The following FOXA2 variants were observed in gnomAD, a reference collection of about 807,000 sequenced individuals.
FOXA2 encodes the protein hepatocyte nuclear factor 3-beta.
A neutral mutation model predicts 33.3 loss-of-function variants in FOXA2; 9 were observed. That is an observed-to-expected ratio of 0.27 (90% CI 0.16 to 0.47). FOXA2 has a LOEUF of 0.47. Ranked by LOEUF, FOXA2 falls within the 20% of genes least tolerant of loss-of-function variation. The pLI, the probability that FOXA2 is intolerant of heterozygous loss-of-function variation, is 0.99. For missense variants in FOXA2, 704 were observed against 659.9 expected, an observed-to-expected ratio of 1.07 and a Z score of -0.73; for synonymous variants, 329 against 289.4, an observed-to-expected ratio of 1.14 and a Z score of -1.39.
upstream of FOXA2, among the ~76,000 whole-genome samples, chr20:22,584,672 T>TGGAGGAGGAGGAGGAGGA (rs1176408400): frequency 4.4e-4 from 15 of 34,396 alleles, no homozygotes; most frequent in East Asian, 4.1e-3. Flanking sequence ...GTGGTGGTGG[T>TGGAGGAGGAGGAGGAGGA]GGAGGAGGAG....
chr20:22,581,941 G>C lies in FOXA2; in HGVS notation c.1301C>G (p.Thr434Arg), dbSNP rs1459657782. The change falls in exon 2 of 2, where the codon ACG (threonine) becomes AGG (arginine). Residue 434 changes from threonine to arginine, a missense_variant. Physicochemically the swap from Thr to Arg is moderately conservative, Grantham distance 71 (BLOSUM62 -1). This residue lies in a region of FOXA2 where 343 missense variants were observed against 274.8 expected (regional missense o/e 1.25). Coordinates refer to ENST00000419308, the MANE Select transcript of FOXA2 (RefSeq NM_021784.5). Reference protein sequence around the residue: ...MPGSLAMGPVTNKTGLDASPL... With the variant: ...MPGSLAMGPVRNKTGLDASPL... ...CGAGGCGTCCAGGCCCGTTTTGTTC[G>C]TGACCGGGCCCATGGCCAAGCTGCC... 1.2e-6 allele frequency: 2 copies of C among 1,611,544 alleles called. No homozygotes were observed. The highest frequency in any genetic ancestry group is 1.7e-5 in the Admixed American group (1 of 59,966).
At chr20:22,584,137 G>A in intron 1 of FOXA2, 55 bp downstream of exon 1, 1 of 1,551,632 alleles carries the variant, frequency 6.4e-7, no homozygotes, top group Non-Finnish European at 8.9e-7. Flanking sequence ...TCCTGAGGTT[G>A]GGGAAGGAGC....
At position 22,584,492 on chromosome 20, in the gene FOXA2, G is replaced by T; in HGVS notation, c.-214C>A. ...TGGGGGGGGGCGAGGAGCGGAGGAG[G>T]CCCAGGCCAGCGCCCCGCGGTAGGG... On this transcript the variant is annotated 5_prime_UTR_variant, in exon 1 of 2. Transcript: ENST00000419308. 1.7e-6 allele frequency: 1 copy of T among 575,796 alleles called. No homozygotes were observed. Among genetic ancestry groups the T allele is most frequent in the Non-Finnish European group, 3.1e-6 (1 of 320,564 alleles). 35.7% of individuals were successfully genotyped at this position (575,796 alleles called of 1,614,324 possible).
upstream of FOXA2, among the ~76,000 whole-genome samples, chr20:22,585,021 G>C (rs1483725086): frequency 6.6e-6 from 1 of 152,096 alleles, no homozygotes; most frequent in Non-Finnish European, 1.5e-5. Flanking sequence ...GTCCCCTGAG[G>C]AAGGAGGGAC....
rs559246060 is a variant in FOXA2, at chr20:22,583,273, G to A, written c.88-119C>T. The A allele has an allele frequency of 7.0e-5, 70 of 1,000,440 alleles. No individual in the cohort carries two copies. In the East Asian group the frequency reaches 1.4e-3, roughly 20 times the overall value. 62.0% of individuals were successfully genotyped at this position (1,000,440 alleles called of 1,614,324 possible). On this transcript the variant is annotated intron_variant, in intron 1 of 1. Coordinates refer to ENST00000419308, the MANE Select transcript of FOXA2 (RefSeq NM_021784.5). ...GGGGAGGCCTCCGGGGAGCCCTTTC[G>A]TCCCCGATGGCCCAGTCTCCGGACT...
rs1207043463 is a variant in FOXA2 at position 22,582,186 on chromosome 20, C to G, written c.1056G>C (p.Ala352=). The G allele has an allele frequency of 2.6e-6, 4 of 1,552,190 alleles. 1 individual carries two copies. The highest frequency in any genetic ancestry group is 2.4e-5 in the East Asian group (1 of 40,952). Residue 352 remains alanine (A), a synonymous_variant, in exon 2 of 2, where the codon GCG becomes GCC. Transcript: ENST00000419308. The part of the protein sequence containing the change: ...APSPGQQQQA[A]AHLLGPPHHP... Reference sequence around the variant, plus strand: ...GGTGGGGCGGGCCCAGCAGGTGGGCCGCGGCCTGCTGCTGCTGCCCGGGAG... The same window carrying G: ...GGTGGGGCGGGCCCAGCAGGTGGGCGGCGGCCTGCTGCTGCTGCCCGGGAG...
chr20:22,583,353 G>A (rs1321236518), intron 1 of FOXA2, among the ~76,000 whole-genome samples, 199 bp from the exon 2 acceptor site: 1 of 152,230 alleles, frequency 6.6e-6, no homozygotes, highest in Non-Finnish European at 1.5e-5. Flanking sequence ...GGAAGGTGGC[G>A]AGCGGATTGC....
Position 22,581,333 on chromosome 20 carries a change from C to CA in FOXA2, c.*516_*517insT, listed in dbSNP as rs1555808968. 1 of 151,626 alleles carries CA rather than the reference C, an allele frequency of 6.6e-6. No individual in the cohort carries two copies. Among genetic ancestry groups the CA allele is most frequent in the Non-Finnish European group, 1.5e-5 (1 of 67,954 alleles). The allele number at this position is 151,626 out of a possible 1,614,324, so 9.4% of individuals were successfully genotyped here. On this transcript the variant is annotated 3_prime_UTR_variant, in exon 2 of 2. Coordinates refer to ENST00000419308, the MANE Select transcript of FOXA2 (RefSeq NM_021784.5). ...TTTCACCGTGTCAAGATTGGGAATG[C>CA]TTTTTTTTTCTTTTTCTTGGTCATT...
At position 22,582,507 on chromosome 20, in the gene FOXA2, C is replaced by T. The variant is rs556684561; in HGVS notation, c.735G>A (p.Ser245=). 1.9e-6 allele frequency: 3 copies of T among 1,614,076 alleles called. No homozygotes were observed. Among genetic ancestry groups the T allele is most frequent in the East Asian group, 2.2e-5 (1 of 44,854 alleles). ...KGSFWTLHPD[S]GNMFENGCYL... ...AGCAGCCGTTCTCGAACATGTTGCC[C>T]GAGTCAGGGTGCAGGGTCCAGAAGG... Residue 245 remains serine (S), a synonymous_variant, in exon 2 of 2, where the codon TCG becomes TCA. Transcript: ENST00000419308.
intron 1 of FOXA2, among the ~76,000 whole-genome samples, chr20:22,583,389 GC>G (rs1486064307): frequency 6.6e-6 from 1 of 152,210 alleles, no homozygotes; most frequent in Non-Finnish European, 1.5e-5. Flanking sequence ...CCCGTTCCTA[GC>G]CCTTCTCCAC....
chr20:22,585,344 G>T (rs1050806399), upstream of FOXA2: 2 of 152,394 alleles, frequency 1.3e-5, no homozygotes, highest in African/African-American at 4.8e-5. Flanking sequence ...ACGGCCTCGG[G>T]AGAAGCGCGG....
At position 22,581,947 on chromosome 20, in the gene FOXA2, G is replaced by T; in HGVS notation, c.1295C>A (p.Pro432Gln). The T allele has an allele frequency of 6.2e-7, 1 of 1,611,892 alleles. No individual in the cohort carries two copies. The highest frequency in any genetic ancestry group is 8.5e-7 in the Non-Finnish European group (1 of 1,178,178). ...SPMPGSLAMG[P>Q]VTNKTGLDAS... ...GTCCAGGCCCGTTTTGTTCGTGACC[G>T]GGCCCATGGCCAAGCTGCCAGGCAT... Residue 432 changes from proline to glutamine, a missense_variant, in exon 2 of 2, where the codon CCG (proline) becomes CAG (glutamine). This residue lies in a region of FOXA2 where 343 missense variants were observed against 274.8 expected (regional missense o/e 1.25). Coordinates refer to ENST00000419308, the MANE Select transcript of FOXA2 (RefSeq NM_021784.5).
At chr20:22,583,357 G>A (rs1400546357) in intron 1 of FOXA2, among the ~76,000 whole-genome samples, 1 of 152,218 alleles carries the variant, frequency 6.6e-6, no homozygotes, top group Non-Finnish European at 1.5e-5. Context: ...GGTGGCGAGC[G>A]GATTGCTGCT....
chr20:22,583,578 G>C (rs1348899783), intron 1 of FOXA2, among the ~76,000 whole-genome samples: 1 of 152,202 alleles, frequency 6.6e-6, no homozygotes, highest in East Asian at 1.9e-4. Context: ...GACAACGCGC[G>C]GGGCGCCTCG....
Position 22,582,913 on chromosome 20 carries a change from G to T in FOXA2, c.329C>A (p.Pro110Gln). The change falls in exon 2 of 2, where the codon CCG becomes CAG. Residue 110 changes from proline to glutamine, a missense_variant. Physicochemically the swap from Pro to Gln is moderately conservative, Grantham distance 76. Coordinates refer to ENST00000419308, the MANE Select transcript of FOXA2 (RefSeq NM_021784.5). The stretch of plus-strand genomic sequence containing the variant: ...CGGGCTCAGGCTGGGACTCAAGTGC[G>T]GCCCCATGCCCGCCACGCCGGCCGC... The part of the protein sequence containing the change: ...AGAAGVAGMG[P>Q]HLSPSLSPLG... The T allele has an allele frequency of 6.6e-7, 1 of 1,524,496 alleles. No homozygotes were observed. Among genetic ancestry groups the T allele is most frequent in the Middle Eastern group, 1.9e-4 (1 of 5,216 alleles). The allele number at this position is 1,524,496 out of a possible 1,614,324, so 94.4% of individuals were successfully genotyped here.
At chr20:22,584,147 C>A (rs778382712) in intron 1 of FOXA2, 45 bp downstream of exon 1, 17 of 1,577,426 alleles carry the variant, frequency 1.1e-5, no homozygotes, top group Non-Finnish European at 1.5e-5. Context: ...GGGGAAGGAG[C>A]GAGCGCCGCC....
chr20:22,581,914 G>C lies in FOXA2; in HGVS notation c.1328C>G (p.Pro443Arg), dbSNP rs1468646192. The change falls in exon 2 of 2, where the codon CCC becomes CGC. Residue 443 changes from proline to arginine, a missense_variant. Coordinates refer to ENST00000419308, the MANE Select transcript of FOXA2 (RefSeq NM_021784.5). ...GTAGTAGGAGGTATCTGCGGCCAGG[G>C]GCGAGGCGTCCAGGCCCGTTTTGTT... is the stretch of plus-strand genomic sequence containing the variant. Reference protein sequence around the residue: ...VTNKTGLDASPLAADTSYYQG... With the variant: ...VTNKTGLDASRLAADTSYYQG... 2.5e-6 allele frequency: 4 copies of C among 1,606,800 alleles called. No individual in the cohort carries two copies. Among genetic ancestry groups the C allele is most frequent in the South Asian group, 2.2e-5 (2 of 90,890 alleles).
At position 22,581,949 on chromosome 20, in the gene FOXA2, G is replaced by T. The variant is rs762323493; in HGVS notation, c.1293C>A (p.Gly431=). 6.2e-6 allele frequency: 10 copies of T among 1,612,432 alleles called. No homozygotes were observed. Among genetic ancestry groups the T allele is most frequent in the Non-Finnish European group, 8.5e-6 (10 of 1,178,568 alleles). The change falls in exon 2 of 2, where the codon GGC becomes GGA. Residue 431 remains glycine (G), a synonymous_variant. Coordinates refer to ENST00000419308, the MANE Select transcript of FOXA2 (RefSeq NM_021784.5). ...CCAGGCCCGTTTTGTTCGTGACCGGGCCCATGGCCAAGCTGCCAGGCATGG... is the reference window on the plus strand; with the variant it reads ...CCAGGCCCGTTTTGTTCGTGACCGGTCCCATGGCCAAGCTGCCAGGCATGG... ...GSPMPGSLAM[G]PVTNKTGLDA...
In FOXA2 at chr20:22,581,207, T is replaced by C. The variant is rs981048250; in HGVS notation, c.*643A>G. On this transcript the variant is annotated 3_prime_UTR_variant, in exon 2 of 2. Transcript: ENST00000419308. ...GATAAAACCGGGTATAACACTTTAA[T>C]ATAGATTTGTGGAACTCTGGCCCTT... is the stretch of plus-strand genomic sequence containing the variant. The C allele has an allele frequency of 6.5e-6, 1 of 152,672 alleles. No individual in the cohort carries two copies. The highest frequency in any genetic ancestry group is 1.5e-5 in the Non-Finnish European group (1 of 68,064). 9.5% of individuals were successfully genotyped at this position (152,672 alleles called of 1,614,324 possible).
Sources: allele counts gnomAD v4.1 joint callset (sites outside exome capture counted in the v4.1 genomes callset), GRCh38; gene constraint gnomAD v4.1.1; regional missense constraint gnomAD v4.1.1; transcripts MANE v1.5; gene names NCBI Gene and HGNC (gene_info 2026-07-23, HGNC 2026-07-21).